Variants in PARD3B observed in about 807,000 individuals in gnomAD.
The protein encoded by PARD3B is partitioning defective 3 homolog B.
Under a neutral mutation model 130.2 loss-of-function variants are expected in PARD3B, and 103 were observed. That is an observed-to-expected ratio of 0.79 (90% CI 0.67 to 0.93). The LOEUF is 0.93. Among genes scored for constraint, PARD3B ranks in the 40% least tolerant of loss-of-function variants. PARD3B has a pLI of 0.00. For missense variants in PARD3B, 1,609 were observed against 1,499.2 expected (o/e 1.07, Z -1.21); for synonymous variants, 583 against 553.2 (o/e 1.05, Z -0.76).
rs114655181 is a variant in PARD3B, at chr2:205,307,860, C to T, written c.2630+6159C>T. On this transcript the variant is annotated intron_variant, in intron 18 of 22. Transcript: ENST00000406610. Reference sequence around the variant, plus strand: ...ATTATAGGCCACTCACTTCAAAAACCTTTGAACTGTCAACTTATTTTGGAC... The same window carrying T: ...ATTATAGGCCACTCACTTCAAAAACTTTTGAACTGTCAACTTATTTTGGAC... Among the ~76,000 whole-genome samples, 1,233 of 152,190 alleles carry T rather than the reference C, an allele frequency of 8.1e-3. 23 individuals are homozygous for T. Among genetic ancestry groups the T allele is most frequent in the African/African-American group, 0.028 (1,162 of 41,528 alleles).
At chr2:204,777,632 T>G (rs2041678059) in intron 2 of PARD3B, among the ~76,000 whole-genome samples, 4 of 152,002 alleles carry the variant, frequency 2.6e-5, no homozygotes, top group Admixed American at 2.6e-4. Context: ...AGCCAGGAAT[T>G]GTGGTGCATG....
chr2:205,037,766 G>T (rs1698111807), intron 3 of PARD3B, among the ~76,000 whole-genome samples: 1 of 151,952 alleles, frequency 6.6e-6, no homozygotes, highest in Non-Finnish European at 1.5e-5. Context: ...CACCCAATGG[G>T]AGGAAGAGTA....
intron 18 of PARD3B, among the ~76,000 whole-genome samples, chr2:205,315,225 G>T (rs898904268): frequency 6.6e-6 from 1 of 152,134 alleles, no homozygotes; most frequent in South Asian, 2.1e-4. Context: ...CTCAAATCCA[G>T]CTCTACTTCC....
In PARD3B at chr2:205,005,988, G is replaced by A. The variant is rs554827960; in HGVS notation, c.394+40665G>A. Reference sequence around the variant, plus strand: ...CCTAACTTCCCCGCACTGAGTCCCCGAAGTTCATTATATTAGTCTTAGGCC... The same window carrying A: ...CCTAACTTCCCCGCACTGAGTCCCCAAAGTTCATTATATTAGTCTTAGGCC... On this transcript the variant is annotated intron_variant, in intron 3 of 22. Transcript: ENST00000406610. Among the ~76,000 whole-genome samples, 6 of 152,172 alleles carry A rather than the reference G, an allele frequency of 3.9e-5. No individual in the cohort carries two copies. In the East Asian group the frequency reaches 5.8e-4, roughly 15 times the overall value.
chr2:205,282,466 T>C (rs1260959323), intron 16 of PARD3B, among the ~76,000 whole-genome samples: 2 of 146,132 alleles, frequency 1.4e-5, no homozygotes, highest in Non-Finnish European at 3.0e-5. Context: ...TAAATTAATA[T>C]ATATATATAT....
intron 2 of PARD3B, among the ~76,000 whole-genome samples, chr2:204,819,453 G>A (rs2043258640): frequency 6.6e-6 from 1 of 152,180 alleles, no homozygotes. Context: ...CCAGTCAACT[G>A]TTCTCCTGTC....
At chr2:204,869,655 G>A (rs1355910312) in intron 2 of PARD3B, among the ~76,000 whole-genome samples, 1 of 151,978 alleles carries the variant, frequency 6.6e-6, no homozygotes, top group Non-Finnish European at 1.5e-5. Context: ...TTTGTTGGCT[G>A]TGATTCTTTT....
chr2:205,211,830 A>T (rs1196094463), intron 15 of PARD3B, among the ~76,000 whole-genome samples: 1 of 152,158 alleles, frequency 6.6e-6, no homozygotes, highest in Non-Finnish European at 1.5e-5. Context: ...CATAATCCCC[A>T]GTCCCCAAAC....
At chr2:204,648,568 A>G (rs953539056) in intron 1 of PARD3B, among the ~76,000 whole-genome samples, 1 of 131,098 alleles carries the variant, frequency 7.6e-6, no homozygotes, top group Admixed American at 9.1e-5. Context: ...ATATAAATAT[A>G]AATATATATT....
chr2:205,000,752 C>A (rs922798273), intron 3 of PARD3B, among the ~76,000 whole-genome samples: 25 of 152,204 alleles, frequency 1.6e-4, no homozygotes, highest in African/African-American at 5.5e-4. Flanking sequence ...TTTAGAGTTT[C>A]AAACTGATTT....
intron 3 of PARD3B, among the ~76,000 whole-genome samples, chr2:204,997,460 A>G (rs548457189): frequency 6.6e-6 from 1 of 152,136 alleles, no homozygotes; most frequent in African/African-American, 2.4e-5. Flanking sequence ...AAGTTTTTGT[A>G]CCTATTTGGA....
intron 2 of PARD3B, among the ~76,000 whole-genome samples, chr2:204,954,495 G>T (rs930239558): frequency 1.3e-5 from 2 of 152,214 alleles, no homozygotes; most frequent in Non-Finnish European, 2.9e-5. Context: ...ATGCTAAAGA[G>T]TCAGTTCCCT....
At position 205,144,766 on chromosome 2, in the gene PARD3B, C is replaced by T. The variant is rs563932463; in HGVS notation, c.1435-13956C>T. Among the ~76,000 whole-genome samples the T allele has an allele frequency of 2.6e-5, 4 of 152,160 alleles. No homozygotes were observed. The South Asian group carries it at 6.2e-4, about 24-fold the overall frequency. On this transcript the variant is annotated intron_variant, in intron 10 of 22. Coordinates refer to ENST00000406610, the MANE Select transcript of PARD3B (RefSeq NM_001302769.2). ...ATTTCTCAATCTCTACTTGGAATTT[C>T]GAATTATTTATCATTAACAGCATAC...
intron 2 of PARD3B, among the ~76,000 whole-genome samples, chr2:204,733,489 T>G (rs1419657927): frequency 6.6e-6 from 1 of 151,690 alleles, no homozygotes; most frequent in African/African-American, 2.4e-5. Flanking sequence ...CTTTTTTTTT[T>G]TTTTTTTTGG....
chr2:205,141,863 G>T (rs1350169141), intron 10 of PARD3B, among the ~76,000 whole-genome samples: 1 of 152,178 alleles, frequency 6.6e-6, no homozygotes, highest in African/African-American at 2.4e-5. Flanking sequence ...TTAATTAGCA[G>T]TTTATGAACT....
rs565175466 is a variant in PARD3B at position 205,107,695 on chromosome 2, G to A, written c.593+3181G>A. On this transcript the variant is annotated intron_variant, in intron 5 of 22. Transcript: ENST00000406610. Reference sequence around the variant, plus strand: ...AAACACATTGCTCCATAAATCATAAGCAAAACTGTTAACTGCTCACCCATT... The same window carrying A: ...AAACACATTGCTCCATAAATCATAAACAAAACTGTTAACTGCTCACCCATT... 1.2e-4 allele frequency among the ~76,000 whole-genome samples: 19 copies of A among 152,252 alleles called. No individual in the cohort carries two copies. In the East Asian group the frequency reaches 3.5e-3, roughly 28 times the overall value.
At chr2:205,365,028 C>T (rs1376060095) in intron 18 of PARD3B, among the ~76,000 whole-genome samples, 7 of 151,894 alleles carry the variant, frequency 4.6e-5, no homozygotes, top group South Asian at 2.1e-4. Context: ...GGTGAAACCC[C>T]GTCTCTACTA....
intron 2 of PARD3B, among the ~76,000 whole-genome samples, chr2:204,873,301 C>T (rs1459944583): frequency 6.6e-6 from 1 of 152,162 alleles, no homozygotes; most frequent in African/African-American, 2.4e-5. Flanking sequence ...ATTCAGTCCT[C>T]ACAACAGTAA....
chr2:205,442,495 G>A (rs1293957769), intron 20 of PARD3B, among the ~76,000 whole-genome samples: 2 of 151,974 alleles, frequency 1.3e-5, no homozygotes, highest in African/African-American at 4.8e-5. Context: ...TAGAGACAGG[G>A]TTTCACTGTC....
Sources: allele counts gnomAD v4.1 joint callset (sites outside exome capture counted in the v4.1 genomes callset), GRCh38; gene constraint gnomAD v4.1.1; transcripts MANE v1.5; gene names NCBI Gene and HGNC (gene_info 2026-07-23, HGNC 2026-07-21).